CAST: variants seen among roughly 807,000 people sequenced by gnomAD.
CAST encodes MIR583 host.
Under a neutral mutation model 119.6 loss-of-function variants are expected in CAST, and 76 were observed. The ratio of observed to expected loss-of-function variants is 0.64; its 90% CI spans 0.53 to 0.77. The LOEUF (loss-of-function observed/expected upper bound fraction) is 0.77. CAST is among the 30% of genes least tolerant of loss of function. CAST has a pLI of 0.00. For missense variants in CAST, 953 were observed against 946.5 expected, an observed-to-expected ratio of 1.01 and a Z score of -0.09; for synonymous variants, 319 against 331.6, an observed-to-expected ratio of 0.96 and a Z score of 0.41.
At chr5:96,079,494 G>A in the CAST span, among the ~76,000 whole-genome samples, 1 of 152,262 alleles carries the variant, frequency 6.6e-6, no homozygotes, top group Admixed American at 6.5e-5. Context: ...AATTGCATTA[G>A]TTGACAATTT....
At chr5:96,284,509 C>T in the CAST span, among the ~76,000 whole-genome samples, 1 of 152,182 alleles carries the variant, frequency 6.6e-6, no homozygotes, top group African/African-American at 2.4e-5. Context: ...CAGGGACTGC[C>T]TCTAAGTCTC....
At chr5:96,279,528 C>T in the CAST span, among the ~76,000 whole-genome samples, 1 of 152,096 alleles carries the variant, frequency 6.6e-6, no homozygotes, top group African/African-American at 2.4e-5. Context: ...TCAGCAGGAT[C>T]CCACAGAATT....
the CAST span, among the ~76,000 whole-genome samples, chr5:96,282,858 G>T: frequency 1.3e-5 from 2 of 152,022 alleles, no homozygotes. Flanking sequence ...GGCCGGGCGC[G>T]GTGGCTCACG....
At chr5:96,092,581 A>G in the CAST span, among the ~76,000 whole-genome samples, 1 of 152,218 alleles carries the variant, frequency 6.6e-6, no homozygotes, top group African/African-American at 2.4e-5. Context: ...TATACATGAT[A>G]ACTTTCAAAG....
the CAST span, among the ~76,000 whole-genome samples, chr5:96,409,467 A>G: frequency 1.3e-5 from 2 of 152,180 alleles, no homozygotes. Flanking sequence ...GCGTAAGAAA[A>G]AGGTTATGTT....
At chr5:96,064,280 T>C in the CAST span, among the ~76,000 whole-genome samples, 10 of 152,122 alleles carry the variant, frequency 6.6e-5, no homozygotes, top group African/African-American at 2.4e-4. Context: ...CTTCTTACCC[T>C]CTATAAGAGT....
At chr5:96,154,052 A>G in the CAST span, among the ~76,000 whole-genome samples, 2 of 152,076 alleles carry the variant, frequency 1.3e-5, no homozygotes, top group African/African-American at 4.8e-5. Context: ...GCACTTTGGG[A>G]GGATCACAAG....
At chr5:96,415,864 A>G in the CAST span, among the ~76,000 whole-genome samples, 1 of 152,086 alleles carries the variant, frequency 6.6e-6, no homozygotes, top group Non-Finnish European at 1.5e-5. Flanking sequence ...CTAGGAATCC[A>G]TATCTATTGA....
At chr5:96,679,649 CAAAT>C (rs748096209) in intron 2 of CAST, 37 of 152,198 alleles carry the variant, frequency 2.4e-4, no homozygotes, top group Admixed American at 7.2e-4. Flanking sequence ...AAAGAAAACA[CAAAT>C]AAAAGCGAAC....
At chr5:96,003,505 T>C in the CAST span, among the ~76,000 whole-genome samples, 1 of 136,202 alleles carries the variant, frequency 7.3e-6, no homozygotes, top group Non-Finnish European at 1.5e-5. Context: ...GCCACTGCAC[T>C]CCAGCCTGGG....
intron 1 of CAST, among the ~76,000 whole-genome samples, chr5:96,653,043 C>A (rs1748114064): frequency 6.6e-6 from 1 of 152,234 alleles, no homozygotes; most frequent in African/African-American, 2.4e-5. Flanking sequence ...GCCTGAGTTT[C>A]CCACAGCCAT....
intron 1 of CAST, among the ~76,000 whole-genome samples, chr5:96,619,652 G>A (rs1747554718): frequency 6.6e-6 from 1 of 152,174 alleles, no homozygotes. Context: ...CACTCCTGAA[G>A]CCAGCGAGAC....
intron 1 of CAST, among the ~76,000 whole-genome samples, chr5:96,634,625 C>T (rs559521084): frequency 1.3e-5 from 2 of 152,314 alleles, no homozygotes; most frequent in African/African-American, 2.4e-5. Flanking sequence ...CATTCCAAAT[C>T]CTTTCAGTAA....
chr5:96,061,723 A>G, the CAST span, among the ~76,000 whole-genome samples: 1 of 151,958 alleles, frequency 6.6e-6, no homozygotes, highest in Non-Finnish European at 1.5e-5. Context: ...GAAGTCATGG[A>G]CTATGGAAAA....
the CAST span, chr5:96,416,054 C>A: frequency 1.2e-6 from 2 of 1,611,498 alleles, no homozygotes; most frequent in Non-Finnish European, 1.7e-6. Flanking sequence ...GAATTGTATG[C>A]AACTCCAACC....
At chr5:96,645,757 A>G (rs1748007209) in intron 1 of CAST, among the ~76,000 whole-genome samples, 1 of 151,936 alleles carries the variant, frequency 6.6e-6, no homozygotes, top group Non-Finnish European at 1.5e-5. Context: ...GGAAAATAAA[A>G]GAGAGTATTT....
At chr5:96,540,507 A>G (rs1745892647) in intron 1 of CAST, among the ~76,000 whole-genome samples, 2 of 152,202 alleles carry the variant, frequency 1.3e-5, no homozygotes, top group African/African-American at 4.8e-5. Context: ...AAGCTCTCAT[A>G]TATCCCCACA....
the CAST span, among the ~76,000 whole-genome samples, chr5:96,325,694 G>T: frequency 1.3e-5 from 2 of 152,096 alleles, no homozygotes; most frequent in East Asian, 3.9e-4. Context: ...TGTCCAGGCT[G>T]GTCTCAAACT....
the CAST span, among the ~76,000 whole-genome samples, chr5:96,452,014 G>C: frequency 6.6e-6 from 1 of 152,232 alleles, no homozygotes; most frequent in East Asian, 1.9e-4. Flanking sequence ...AGGATGTGGA[G>C]AAATAGGAAC....
Sources: gnomAD v4.1 joint callset for allele counts (sites outside exome capture counted in the v4.1 genomes callset) on GRCh38, gnomAD v4.1.1 for gene constraint, MANE v1.5 for transcripts, NCBI Gene and HGNC (gene_info 2026-07-23, HGNC 2026-07-21) for gene names.